Variants in AP4M1 observed in about 807,000 individuals in gnomAD.
AP4M1 encodes AP-4 complex subunit mu-1.
A neutral mutation model predicts 62.4 loss-of-function variants in AP4M1; 58 were observed. The ratio of observed to expected loss-of-function variants is 0.93; its 90% CI spans 0.75 to 1.16. AP4M1 has a LOEUF of 1.16. Ranked by LOEUF, AP4M1 falls within the 50% of genes most tolerant of loss-of-function variation. The pLI is 0.00. For synonymous variants in AP4M1, 290 were observed against 239.7 expected (o/e 1.21, Z -1.94); for missense variants, 626 against 585.4 (o/e 1.07, Z -0.72).
intron 7 of AP4M1, 45 bp from the exon 8 acceptor site, chr7:100,104,829 A>G (rs553319144): frequency 6.2e-7 from 1 of 1,611,532 alleles, no homozygotes; most frequent in Non-Finnish European, 8.5e-7. Context: ...CGTCTCAAAA[A>G]AAGAAAGAAA....
chr7:100,102,739 C>G lies in AP4M1; in HGVS notation c.212C>G (p.Ser71Ter). The G allele has an allele frequency of 6.2e-7, 1 of 1,614,160 alleles. No individual in the cohort carries two copies. ...HSGLYLVVTT[S>*]ENVSPFSLLE... ...GGCCTCTATTTGGTGGTCACAACTTCAGAAAACGTTTCTCCCTTCAGCCTC... is the reference window on the plus strand; with the variant it reads ...GGCCTCTATTTGGTGGTCACAACTTGAGAAAACGTTTCTCCCTTCAGCCTC... Residue 71 changes from serine (S) to a stop codon, truncating the protein, a stop_gained, in exon 3 of 15, where the codon TCA becomes TGA. Transcript: ENST00000359593. LOFTEE classifies it high-confidence loss of function.
chr7:100,105,006 G>C, intron 8 of AP4M1, 39 bp from the exon 9 acceptor site: 1 of 1,614,142 alleles, frequency 6.2e-7, no homozygotes, highest in Non-Finnish European at 8.5e-7. Flanking sequence ...CTTAAACCAT[G>C]GCATTGCTGA....
In AP4M1 at chr7:100,108,167, G is replaced by T. The variant is rs375467655; in HGVS notation, c.*1285G>T. 19 of 1,550,684 alleles carry T rather than the reference G, an allele frequency of 1.2e-5. No individual in the cohort carries two copies. The highest frequency in any genetic ancestry group is 1.6e-5 in the Non-Finnish European group (18 of 1,150,706). On this transcript the variant is annotated 3_prime_UTR_variant, in exon 15 of 15. Transcript: ENST00000359593. ...AGGGGGAAGTGGCACCATCTACTAA[G>T]AAGAGGAGTCTGAAGGGAGAGGCCT...
In AP4M1 at chr7:100,107,450, T is replaced by C; in HGVS notation, c.*568T>C. The C allele has an allele frequency of 6.2e-7, 1 of 1,612,590 alleles. No homozygotes were observed. Among genetic ancestry groups the C allele is most frequent in the Non-Finnish European group, 8.5e-7 (1 of 1,179,028 alleles). On this transcript the variant is annotated 3_prime_UTR_variant, in exon 15 of 15. Coordinates refer to ENST00000359593, the MANE Select transcript of AP4M1 (RefSeq NM_004722.4). ...CTTTGCCCTCCCCTGTTGGGGGAAG[T>C]GAGACCACGATGTACTTCTGGACAC...
upstream of AP4M1, chr7:100,101,017 A>G (rs1418490163): frequency 3.8e-6 from 3 of 783,620 alleles, no homozygotes; most frequent in Non-Finnish European, 5.8e-6. Flanking sequence ...CGCGCCCCCA[A>G]GCCCCCAACC....
At position 100,102,759 on chromosome 7, in the gene AP4M1, A is replaced by G. The variant is rs760155910; in HGVS notation, c.232A>G (p.Ser78Gly). The G allele has an allele frequency of 6.8e-6, 11 of 1,614,092 alleles. No individual in the cohort carries two copies. The highest frequency in any genetic ancestry group is 7.6e-6 in the Non-Finnish European group (9 of 1,179,984). Residue 78 changes from serine to glycine, a missense_variant, in exon 3 of 15, where the codon AGC (serine) becomes GGC (glycine). Ser to Gly is a moderately conservative substitution (Grantham distance 56). Coordinates refer to ENST00000359593, the MANE Select transcript of AP4M1 (RefSeq NM_004722.4). The part of the protein sequence containing the change: ...VTTSENVSPF[S>G]LLELLSRLAT... ...AACTTCAGAAAACGTTTCTCCCTTC[A>G]GCCTCCTAGAACTGCTCTCCAGGTG...
chr7:100,101,362 C>G (rs1308584154), upstream of AP4M1: 4 of 1,604,138 alleles, frequency 2.5e-6, no homozygotes, highest in Admixed American at 3.3e-5. Flanking sequence ...AGCTGAGAAT[C>G]TCCGCGCGGT....
Position 100,106,015 on chromosome 7 carries a change from G to T in AP4M1, c.974+12G>T. On this transcript the variant is annotated intron_variant, in intron 12 of 14. Transcript: ENST00000359593. ...CTGCTCTCAAAGAGGTAAGAGTGAGGCTGGCCTGGCTGAGTTCAGCTCTAT... is the reference window on the plus strand; with the variant it reads ...CTGCTCTCAAAGAGGTAAGAGTGAGTCTGGCCTGGCTGAGTTCAGCTCTAT... 1 of 1,614,104 alleles carries T rather than the reference G, an allele frequency of 6.2e-7. No homozygotes were observed. Among genetic ancestry groups the T allele is most frequent in the Non-Finnish European group, 8.5e-7 (1 of 1,179,978 alleles).
In AP4M1 at chr7:100,101,747, G is replaced by C. The variant is rs767024160; in HGVS notation, c.33G>C (p.Lys11Asn). The change falls in exon 1 of 15, where the codon AAG becomes AAC. Residue 11 changes from lysine (K) to asparagine (N), a missense_variant. Transcript: ENST00000359593. ...CCCAATTCTTCATTCTGTCCTCCAAGGGGGACCCGCTCATCTACAAAGACT... is the reference window on the plus strand; with the variant it reads ...CCCAATTCTTCATTCTGTCCTCCAACGGGGACCCGCTCATCTACAAAGACT... MISQFFILSS[K>N]GDPLIYKDFR... The C allele has an allele frequency of 3.1e-6, 5 of 1,613,900 alleles. No individual in the cohort carries two copies. Among genetic ancestry groups the C allele is most frequent in the Non-Finnish European group, 4.2e-6 (5 of 1,179,878 alleles).
intron 6 of AP4M1, 74 bp from the exon 7 acceptor site, chr7:100,104,018 C>T (rs988871525): frequency 3.6e-6 from 5 of 1,379,642 alleles, no homozygotes; most frequent in African/African-American, 1.4e-5. Context: ...CTGTCCTGTT[C>T]TTTCTCCCTG....
intron 2 of AP4M1, 165 bp from the exon 3 acceptor site, chr7:100,102,510 C>G: frequency 1.5e-6 from 1 of 687,214 alleles, no homozygotes; most frequent in Non-Finnish European, 2.6e-6. Context: ...TAATTAACCC[C>G]CTTTCCACAT....
At position 100,108,646 on chromosome 7, in the gene AP4M1, AAG is replaced by A. The variant is rs938643858; in HGVS notation, c.*1765_*1766del. The A allele has an allele frequency of 2.9e-5, 38 of 1,305,836 alleles. No individual in the cohort carries two copies. The highest frequency in any genetic ancestry group is 4.0e-5 in the Non-Finnish European group (38 of 955,646). The allele number at this position is 1,305,836 out of a possible 1,614,324, so 80.9% of individuals were successfully genotyped here. On this transcript the variant is annotated 3_prime_UTR_variant, in exon 15 of 15. Transcript: ENST00000359593. ...GAAGAACCTTGGGGATGGGGTAAAA[AAG>A]GACATTCCTTATCATCTCAGTGCCC...
intron 14 of AP4M1, 32 bp from the exon 15 acceptor site, chr7:100,106,626 C>G (rs745842299): frequency 1.2e-6 from 2 of 1,607,934 alleles, no homozygotes; most frequent in East Asian, 2.2e-5. Flanking sequence ...GCTTCTTGCC[C>G]TCCTTCCTCT....
Position 100,105,305 on chromosome 7 carries a change from G to C in AP4M1, c.793G>C (p.Glu265Gln), listed in dbSNP as rs1340564470. The change falls in exon 10 of 15, where the codon GAG becomes CAG. Residue 265 changes from glutamate (E) to glutamine (Q), a missense_variant. Coordinates refer to ENST00000359593, the MANE Select transcript of AP4M1 (RefSeq NM_004722.4). ...FHSSVNLDEF[E>Q]SHRILRLQPP... ...CAGCTCTGTGAATCTGGACGAATTT[G>C]AGTCTCATCGAATCCTCCGCTTGCA... 2 of 1,614,136 alleles carry C rather than the reference G, an allele frequency of 1.2e-6. No individual in the cohort carries two copies. Among genetic ancestry groups the C allele is most frequent in the Admixed American group, 1.7e-5 (1 of 60,010 alleles).
intron 14 of AP4M1, 48 bp downstream of exon 14, chr7:100,106,562 G>GCGCCC: frequency 2.6e-6 from 4 of 1,514,806 alleles, no homozygotes; most frequent in East Asian, 2.3e-5. Context: ...TTCACTTGCA[G>GCGCCC]CCCCCACCCC....
chr7:100,108,016 A>T lies in AP4M1; in HGVS notation c.*1134A>T, dbSNP rs776402614. 2 of 1,614,004 alleles carry T rather than the reference A, an allele frequency of 1.2e-6. No homozygotes were observed. The highest frequency in any genetic ancestry group is 1.7e-6 in the Non-Finnish European group (2 of 1,179,982). On this transcript the variant is annotated 3_prime_UTR_variant, in exon 15 of 15. Coordinates refer to ENST00000359593, the MANE Select transcript of AP4M1 (RefSeq NM_004722.4). ...GCTGTGGTGGGGCAGCCGCTCGTGC[A>T]GACACCAGTGTCTGGACAGGAAGTG...
intron 11 of AP4M1, 29 bp from the exon 12 acceptor site, chr7:100,105,930 G>A: frequency 6.2e-7 from 1 of 1,613,968 alleles, no homozygotes; most frequent in Non-Finnish European, 8.5e-7. Context: ...AAGATGGCCT[G>A]AGTCGTGGTG....
rs755802872 is a variant in AP4M1 at position 100,101,700 on chromosome 7, C to T, written c.-15C>T. ...CCGACTTTCGCCGTCTTCTTGTCTA[C>T]TCTCCAGAACGGCCATGATTTCCCA... On this transcript the variant is annotated 5_prime_UTR_variant, in exon 1 of 15. Coordinates refer to ENST00000359593, the MANE Select transcript of AP4M1 (RefSeq NM_004722.4). 5.6e-6 allele frequency: 9 copies of T among 1,612,456 alleles called. No homozygotes were observed. The Middle Eastern group carries it at 6.8e-4, about 122-fold the overall frequency.
upstream of AP4M1, chr7:100,101,395 A>G (rs1487087866): frequency 6.5e-6 from 10 of 1,530,132 alleles, no homozygotes; most frequent in Admixed American, 1.7e-5. Flanking sequence ...GCCAACCGAA[A>G]TTGGCGCGAA....
Sources: allele counts gnomAD v4.1 joint callset, GRCh38; gene constraint gnomAD v4.1.1; transcripts MANE v1.5; gene names NCBI Gene and HGNC (gene_info 2026-07-23, HGNC 2026-07-21).